The following UTRN variants were observed in gnomAD, a reference collection of about 807,000 sequenced individuals.
UTRN encodes the protein utrophin.
Under a neutral mutation model 463.9 loss-of-function variants are expected in UTRN, and 283 were observed. The observed-to-expected ratio is 0.61, with a 90% CI of 0.55 to 0.67. UTRN has a LOEUF of 0.67. Ranked by LOEUF, UTRN falls within the 30% of genes least tolerant of loss-of-function variation. The pLI is 0.00. For missense variants in UTRN, 3,922 were observed against 4,084.3 expected, an observed-to-expected ratio of 0.96 and a Z score of 1.08; for synonymous variants, 1,442 against 1,431.5, an observed-to-expected ratio of 1.01 and a Z score of -0.17.
chr6:144,709,514 A>G (rs1011103729), intron 53 of UTRN, among the ~76,000 whole-genome samples: 2 of 152,212 alleles, frequency 1.3e-5, no homozygotes, highest in African/African-American at 2.4e-5. Flanking sequence ...CTTGATACTA[A>G]TATTAGCCAA....
chr6:144,681,520 T>A lies in UTRN; in HGVS notation c.7652+2942T>A, dbSNP rs1049388913. On this transcript the variant is annotated intron_variant, in intron 52 of 74. Transcript: ENST00000367545. ...GTGGAGTAAGATCAGGCCTGCAGAG[T>A]CCAGGAGCAATTAGAAGGGCTTTGG... is the stretch of plus-strand genomic sequence containing the variant. 2.0e-5 allele frequency among the ~76,000 whole-genome samples: 3 copies of A among 151,506 alleles called. No individual in the cohort carries two copies. The South Asian group carries it at 6.2e-4, about 31-fold the overall frequency.
chr6:144,354,541 C>T (rs1422157883), intron 2 of UTRN, among the ~76,000 whole-genome samples: 1 of 152,146 alleles, frequency 6.6e-6, no homozygotes, highest in African/African-American at 2.4e-5. Context: ...TAGGCAGTTT[C>T]CAGTGCTCTA....
At position 144,482,315 on chromosome 6, in the gene UTRN, C is replaced by G; in HGVS notation, c.3614C>G (p.Ser1205Cys). 6.2e-6 allele frequency: 10 copies of G among 1,609,320 alleles called. No homozygotes were observed. The highest frequency in any genetic ancestry group is 8.5e-6 in the Non-Finnish European group (10 of 1,178,924). Residue 1205 changes from serine to cysteine, a missense_variant, in exon 27 of 75, where the codon TCT becomes TGT. Ser to Cys is a moderately radical substitution (Grantham distance 112). Coordinates refer to ENST00000367545, the MANE Select transcript of UTRN (RefSeq NM_007124.3). ...KVPSGGQELT[S>C]ELNVVLENYQ... ...CCCTCTGGTGGCCAGGAGTTGACGT[C>G]TGAGCTGAATGTTGTGCTGGAGAAT...
chr6:144,617,175 T>C (rs1806213402), intron 51 of UTRN, among the ~76,000 whole-genome samples: 1 of 152,194 alleles, frequency 6.6e-6, no homozygotes, highest in Non-Finnish European at 1.5e-5. Flanking sequence ...GTCTGCACAT[T>C]GTGAGTTCTT....
At chr6:144,527,899 T>C (rs988916403) in intron 41 of UTRN, among the ~76,000 whole-genome samples, 1 of 152,220 alleles carries the variant, frequency 6.6e-6, no homozygotes, top group African/African-American at 2.4e-5. Context: ...GTCATTGTTT[T>C]GATTTCTTTA....
At chr6:144,448,840 T>G in intron 17 of UTRN, 71 bp downstream of exon 17, 1 of 1,511,268 alleles carries the variant, frequency 6.6e-7, no homozygotes, top group African/African-American at 1.4e-5. Flanking sequence ...GTGCCTATTT[T>G]GTACTAATCA....
chr6:144,421,691 A>G (rs1330900730), intron 3 of UTRN, among the ~76,000 whole-genome samples, 187 bp from the exon 4 acceptor site: 2 of 150,728 alleles, frequency 1.3e-5, no homozygotes, highest in African/African-American at 5.0e-5. Flanking sequence ...TCTGTCTAAA[A>G]AAAAAATTAA....
chr6:144,337,196 A>ACACACACACACACAC (rs1776800506), intron 2 of UTRN, among the ~76,000 whole-genome samples: 1 of 113,408 alleles, frequency 8.8e-6, no homozygotes, highest in African/African-American at 4.3e-5. Flanking sequence ...CACACACACC[A>ACACACACACACACAC]CACACACACA....
In UTRN at chr6:144,474,721, G is replaced by T. The variant is rs1242190964; in HGVS notation, c.3298G>T (p.Gly1100Cys). 1 of 1,613,844 alleles carries T rather than the reference G, an allele frequency of 6.2e-7. No homozygotes were observed. Among genetic ancestry groups the T allele is most frequent in the Non-Finnish European group, 8.5e-7 (1 of 1,179,918 alleles). Residue 1100 changes from glycine to cysteine, a missense_variant, in exon 25 of 75, where the codon GGT (glycine) becomes TGT (cysteine). By Grantham distance (159) the Gly-to-Cys change is radical. Transcript: ENST00000367545. The part of the protein sequence containing the change: ...GIKTWVQTRL[G>C]DYQTQLEKLS... Reference sequence around the variant, plus strand: ...AAAAACTTGGGTGCAGACAAGACTAGGTGACTACCAAACTCAACTGGAGAA... The same window carrying T: ...AAAAACTTGGGTGCAGACAAGACTATGTGACTACCAAACTCAACTGGAGAA...
At chr6:144,400,877 C>T (rs1782881786) in intron 2 of UTRN, among the ~76,000 whole-genome samples, 1 of 152,068 alleles carries the variant, frequency 6.6e-6, no homozygotes, top group Non-Finnish European at 1.5e-5. Context: ...CTCATTTTTA[C>T]AAACATAAGA....
chr6:144,681,898 T>A (rs1782238530), intron 52 of UTRN, among the ~76,000 whole-genome samples: 1 of 152,212 alleles, frequency 6.6e-6, no homozygotes, highest in Admixed American at 6.5e-5. Context: ...CGAGATATTT[T>A]GGTACAGGCA....
intron 7 of UTRN, 71 bp downstream of exon 7, chr6:144,426,530 A>C: frequency 6.8e-7 from 1 of 1,461,012 alleles, no homozygotes; most frequent in Non-Finnish European, 9.2e-7. Flanking sequence ...TGCTGCCACC[A>C]CTACTCCCTG....
chr6:144,693,175 C>G (rs1446378749), intron 52 of UTRN, among the ~76,000 whole-genome samples: 1 of 152,088 alleles, frequency 6.6e-6, no homozygotes, highest in Non-Finnish European at 1.5e-5. Flanking sequence ...TTATTTTTGT[C>G]AGCTTTGTCA....
At chr6:144,571,266 G>A (rs1404889221) in intron 50 of UTRN, among the ~76,000 whole-genome samples, 5 of 151,990 alleles carry the variant, frequency 3.3e-5, no homozygotes, top group African/African-American at 1.2e-4. Flanking sequence ...GGCAGGGTTT[G>A]GGGAAGGATA....
intron 34 of UTRN, among the ~76,000 whole-genome samples, chr6:144,508,892 T>C (rs1033824834): frequency 1.3e-5 from 2 of 152,226 alleles, no homozygotes; most frequent in African/African-American, 2.4e-5. Context: ...CTTATTTTCC[T>C]GTTGCCTTTC....
At chr6:144,483,256 A>G (rs1225403592) in intron 27 of UTRN, among the ~76,000 whole-genome samples, 1 of 152,170 alleles carries the variant, frequency 6.6e-6, no homozygotes, top group African/African-American at 2.4e-5. Flanking sequence ...TAAGAAAGCT[A>G]CTTGATTTGG....
chr6:144,319,022 T>C (rs894756103), intron 2 of UTRN, among the ~76,000 whole-genome samples: 1 of 152,176 alleles, frequency 6.6e-6, no homozygotes, highest in African/African-American at 2.4e-5. Flanking sequence ...TGAACTATGG[T>C]GGTACCACTG....
chr6:144,410,719 C>T (rs752188885), intron 3 of UTRN, among the ~76,000 whole-genome samples: 3 of 152,046 alleles, frequency 2.0e-5, no homozygotes, highest in Non-Finnish European at 4.4e-5. Flanking sequence ...ATAATGGTCT[C>T]CAGTTTCATC....
Position 144,462,771 on chromosome 6 carries a change from G to C in UTRN, c.2971G>C (p.Asp991His), listed in dbSNP as rs764583738. 6.2e-7 allele frequency: 1 copy of C among 1,611,872 alleles called. No individual in the cohort carries two copies. Among genetic ancestry groups the C allele is most frequent in the South Asian group, 1.1e-5 (1 of 90,076 alleles). The change falls in exon 23 of 75, where the codon GAT (aspartate) becomes CAT (histidine). Residue 991 changes from aspartate to histidine, a missense_variant. Coordinates refer to ENST00000367545, the MANE Select transcript of UTRN (RefSeq NM_007124.3). Reference sequence around the variant, plus strand: ...AGAAAAATTATATAAGCAAGAATTTGATGATGTGCAAGGAAAGTGGAACAA... The same window carrying C: ...AGAAAAATTATATAAGCAAGAATTTCATGATGTGCAAGGAAAGTGGAACAA... ...DVEKLYKQEFDDVQGKWNKLK... is the reference protein window; with the variant it reads ...DVEKLYKQEFHDVQGKWNKLK...
Sources: gnomAD v4.1 joint callset for allele counts (sites outside exome capture counted in the v4.1 genomes callset) on GRCh38, gnomAD v4.1.1 for gene constraint, MANE v1.5 for transcripts, NCBI Gene and HGNC (gene_info 2026-07-23, HGNC 2026-07-21) for gene names.